The following DNM1L variants were observed in gnomAD, a reference collection of about 807,000 sequenced individuals.
DNM1L encodes dynamin 1L, also known as dynamin-1-like protein.
Under a neutral mutation model 92.8 loss-of-function variants are expected in DNM1L, and 33 were observed. The ratio of observed to expected loss-of-function variants is 0.36; its 90% CI spans 0.27 to 0.48. The LOEUF (loss-of-function observed/expected upper bound fraction) is 0.48. DNM1L is among the 20% of genes least tolerant of loss of function. The pLI, the probability that DNM1L is intolerant of heterozygous loss-of-function variation, is 0.99. For missense variants in DNM1L, 485 were observed against 888.8 expected, an observed-to-expected ratio of 0.55 and a Z score of 5.78; for synonymous variants, 284 against 305.0, an observed-to-expected ratio of 0.93 and a Z score of 0.72.
Position 32,695,646 on chromosome 12 carries a change from G to A in DNM1L, c.103-5769G>A, listed in dbSNP as rs138418383. ...ATTAGCTGGATGTGATGGTGTATGC[G>A]TGTAGTCCCAGCTACTCGGGAGGGT... On this transcript the variant is annotated intron_variant, in intron 1 of 19. Transcript: ENST00000549701. 1.8e-3 allele frequency among the ~76,000 whole-genome samples: 278 copies of A among 151,892 alleles called. 3 individuals are homozygous for A. Among genetic ancestry groups the A allele is most frequent in the African/African-American group, 6.5e-3 (270 of 41,442 alleles).
intron 4 of DNM1L, among the ~76,000 whole-genome samples, chr12:32,708,623 C>T (rs1953013352): frequency 6.6e-6 from 1 of 151,824 alleles, no homozygotes; most frequent in Non-Finnish European, 1.5e-5. Context: ...TTGAGGAGTT[C>T]TTTTCTTACC....
intron 15 of DNM1L, 122 bp from the exon 16 acceptor site, chr12:32,738,142 A>AT: frequency 3.3e-6 from 4 of 1,224,994 alleles, no homozygotes; most frequent in Non-Finnish European, 4.7e-6. Flanking sequence ...TGCTTGCAAT[A>AT]TAGAAGATGC....
chr12:32,724,048 G>T (rs905232545), intron 9 of DNM1L, among the ~76,000 whole-genome samples: 5 of 152,032 alleles, frequency 3.3e-5, no homozygotes, highest in Non-Finnish European at 7.3e-5. Flanking sequence ...GTCCACCCTC[G>T]CCATCGTCAA....
At chr12:32,712,276 A>G (rs1953155890) in intron 5 of DNM1L, among the ~76,000 whole-genome samples, 1 of 152,062 alleles carries the variant, frequency 6.6e-6, no homozygotes, top group Non-Finnish European at 1.5e-5. Context: ...TAAAATATCT[A>G]CTTGTTACGT....
At chr12:32,712,299 C>T (rs1441722765) in intron 5 of DNM1L, among the ~76,000 whole-genome samples, 2 of 152,128 alleles carry the variant, frequency 1.3e-5, no homozygotes, top group Non-Finnish European at 2.9e-5. Context: ...CTATTCTTCT[C>T]CTAACTCCTG....
intron 9 of DNM1L, chr12:32,726,647 G>A (rs1320574917): frequency 2.5e-6 from 2 of 787,854 alleles, no homozygotes; most frequent in East Asian, 5.0e-5. Flanking sequence ...CTTCAGGAGG[G>A]GCAAGAAAAT....
intron 7 of DNM1L, 75 bp downstream of exon 7, chr12:32,718,838 G>A (rs2137425683): frequency 6.3e-7 from 1 of 1,582,326 alleles, no homozygotes; most frequent in Middle Eastern, 1.7e-4. Flanking sequence ...TTCAGAGCAA[G>A]TCTGAATTTC....
At position 32,744,357 on chromosome 12, in the gene DNM1L, A is replaced by G. The variant is rs184435567; in HGVS notation, c.*947A>G. ...CATTGGTAATAGCTACTTTTGCTTC[A>G]TAGCTTCATACCAACAAAATATATT... On this transcript the variant is annotated 3_prime_UTR_variant, in exon 20 of 20. Coordinates refer to ENST00000549701, the MANE Select transcript of DNM1L (RefSeq NM_012062.5). 1 of 154,460 alleles carries G rather than the reference A, an allele frequency of 6.5e-6. No homozygotes were observed. The highest frequency in any genetic ancestry group is 6.5e-5 in the Admixed American group (1 of 15,414). 9.6% of individuals were successfully genotyped at this position (154,460 alleles called of 1,614,324 possible). A position where few individuals can be genotyped will look rare whatever the true frequency, so the allele number is the denominator to read the frequency against.
intron 9 of DNM1L, chr12:32,728,921 C>G (rs796310582): frequency 2.7e-5 from 4 of 146,840 alleles, no homozygotes; most frequent in African/African-American, 1.0e-4. Flanking sequence ...GTAGCTGGGA[C>G]TACAGGCGTG....
intron 1 of DNM1L, chr12:32,680,023 C>T (rs1302414419): frequency 1.0e-6 from 1 of 984,760 alleles, no homozygotes; most frequent in Non-Finnish European, 1.2e-6. Context: ...CAGTATAATT[C>T]CACCAGGTTT....
At chr12:32,702,703 A>G (rs1275355251) in intron 2 of DNM1L, among the ~76,000 whole-genome samples, 5 of 150,710 alleles carry the variant, frequency 3.3e-5, no homozygotes, top group Non-Finnish European at 5.9e-5. Flanking sequence ...TTTAATGGGG[A>G]AAAAAAACCT....
Position 32,731,235 on chromosome 12 carries a change from G to T in DNM1L, c.1200+101G>T. ...TAAATTTAATTATACAGTTTATTTTGCTCTCATATTTGAAATTAAAAAGCA... is the reference window on the plus strand; with the variant it reads ...TAAATTTAATTATACAGTTTATTTTTCTCTCATATTTGAAATTAAAAAGCA... On this transcript the variant is annotated intron_variant, in intron 10 of 19. Coordinates refer to ENST00000549701, the MANE Select transcript of DNM1L (RefSeq NM_012062.5). The surrounding 1 kb of genome is among the most constrained non-coding windows in gnomAD (Gnocchi z 5.1). 6.3e-7 allele frequency: 1 copy of T among 1,589,288 alleles called. No individual in the cohort carries two copies. The highest frequency in any genetic ancestry group is 8.6e-7 in the Non-Finnish European group (1 of 1,165,096).
intron 9 of DNM1L, among the ~76,000 whole-genome samples, chr12:32,724,576 CAAA>C (rs10535838): frequency 0.011 from 1,081 of 95,734 alleles, 7 homozygotes; most frequent in African/African-American, 0.037. Context: ...ACTCTATCTC[CAAA>C]AAAAAAAAAA....
chr12:32,714,260 C>T, intron 6 of DNM1L, among the ~76,000 whole-genome samples: 1 of 150,152 alleles, frequency 6.7e-6, no homozygotes, highest in East Asian at 1.9e-4. Flanking sequence ...TAAGCAGGGT[C>T]ACTTTAACAA....
intron 13 of DNM1L, among the ~76,000 whole-genome samples, chr12:32,734,658 A>C (rs1041837968): frequency 2.6e-5 from 4 of 152,158 alleles, no homozygotes; most frequent in African/African-American, 9.7e-5. Context: ...AATACAAAAA[A>C]TTAGCCGGGC....
intron 2 of DNM1L, among the ~76,000 whole-genome samples, chr12:32,702,345 G>A (rs1952748501): frequency 6.6e-6 from 1 of 151,290 alleles, no homozygotes; most frequent in African/African-American, 2.4e-5. Flanking sequence ...CAGATTTTAA[G>A]TTGCTTACCA....
intron 16 of DNM1L, among the ~76,000 whole-genome samples, chr12:32,739,017 CCTT>C (rs1391521165): frequency 5.3e-5 from 8 of 152,226 alleles, no homozygotes; most frequent in Admixed American, 3.3e-4. Flanking sequence ...TGCTCTCTCT[CCTT>C]AAGATTTCAT....
chr12:32,711,800 T>C (rs1327347696), intron 5 of DNM1L, among the ~76,000 whole-genome samples: 2 of 152,108 alleles, frequency 1.3e-5, no homozygotes, highest in Non-Finnish European at 1.5e-5. Context: ...AGAGGATTGC[T>C]TGAGCCTAGG....
Position 32,717,331 on chromosome 12 carries a change from T to A in DNM1L, c.620-1312T>A, listed in dbSNP as rs528867059. Among the ~76,000 whole-genome samples, 406 of 68,090 alleles carry A rather than the reference T, an allele frequency of 6.0e-3. 18 individuals carry two copies. The highest frequency in any genetic ancestry group is 0.026 in the African/African-American group (379 of 14,808). 44.7% of individuals were successfully genotyped at this position (68,090 alleles called of 152,430 possible). ...TATATATTATATATACACTATATAT[T>A]TTATATATACTATATATTATATATA... On this transcript the variant is annotated intron_variant, in intron 6 of 19. Coordinates refer to ENST00000549701, the MANE Select transcript of DNM1L (RefSeq NM_012062.5).
Sources: allele counts gnomAD v4.1 joint callset (sites outside exome capture counted in the v4.1 genomes callset), GRCh38; gene constraint gnomAD v4.1.1; non-coding constraint Gnocchi (gnomAD v3.1); transcripts MANE v1.5; gene names NCBI Gene and HGNC (gene_info 2026-07-23, HGNC 2026-07-21).